The following TSGA10 variants were observed in gnomAD, a reference collection of about 807,000 sequenced individuals.
TSGA10 encodes testis-specific gene 10 protein.
Under a neutral mutation model 96.6 loss-of-function variants are expected in TSGA10, and 43 were observed. The ratio of observed to expected loss-of-function variants is 0.44; its 90% CI spans 0.35 to 0.57. TSGA10 has a LOEUF of 0.57. TSGA10 is among the 20% of genes least tolerant of loss of function. The pLI is 0.01. For synonymous variants in TSGA10, 229 were observed against 269.9 expected, an observed-to-expected ratio of 0.85 and a Z score of 1.48; for missense variants, 703 against 834.4, an observed-to-expected ratio of 0.84 and a Z score of 1.94.
intron 17 of TSGA10, among the ~76,000 whole-genome samples, chr2:99,025,858 T>C (rs1558763238): frequency 1.3e-5 from 2 of 152,292 alleles, no homozygotes; most frequent in East Asian, 1.9e-4. Flanking sequence ...CTCACCACTA[T>C]TTGGGAATGT....
intron 16 of TSGA10, among the ~76,000 whole-genome samples, chr2:99,039,353 G>T (rs2081981092): frequency 6.7e-6 from 1 of 149,028 alleles, no homozygotes; most frequent in Non-Finnish European, 1.5e-5. Flanking sequence ...ACAAAAAGCT[G>T]GTTGAGAAGA....
chr2:99,152,705 G>T (rs2105164945), intron 1 of TSGA10, among the ~76,000 whole-genome samples: 1 of 152,322 alleles, frequency 6.6e-6, no homozygotes, highest in East Asian at 1.9e-4. Flanking sequence ...TGATGGTGAT[G>T]GTCATAAAAG....
intron 16 of TSGA10, among the ~76,000 whole-genome samples, chr2:99,042,649 G>A (rs901569859): frequency 6.6e-6 from 1 of 151,798 alleles, no homozygotes; most frequent in Non-Finnish European, 1.5e-5. Context: ...ACATACATAC[G>A]TATATGTGCA....
At chr2:99,134,142 T>C (rs1052780175) in intron 1 of TSGA10, among the ~76,000 whole-genome samples, 3 of 152,208 alleles carry the variant, frequency 2.0e-5, no homozygotes, top group Non-Finnish European at 4.4e-5. Flanking sequence ...CCTTGCTTGG[T>C]TGGGGAAGTC....
chr2:99,153,577 A>G (rs2093715084), intron 1 of TSGA10, among the ~76,000 whole-genome samples: 1 of 152,224 alleles, frequency 6.6e-6, no homozygotes. Flanking sequence ...AAAAAAAACC[A>G]AAGTTGTACC....
At chr2:99,117,208 T>C (rs987578330) in intron 4 of TSGA10, 11 of 152,150 alleles carry the variant, frequency 7.2e-5, no homozygotes, top group South Asian at 2.1e-4. Flanking sequence ...TATGTGAAAA[T>C]AGACGAAAAT....
chr2:99,105,148 C>G (rs932700892), intron 9 of TSGA10, among the ~76,000 whole-genome samples: 2 of 151,796 alleles, frequency 1.3e-5, no homozygotes, highest in African/African-American at 4.8e-5. Flanking sequence ...ACTTTGCAAC[C>G]TAACACCAAA....
At chr2:99,015,001 A>T (rs565225578) in intron 20 of TSGA10, among the ~76,000 whole-genome samples, 24 of 152,270 alleles carry the variant, frequency 1.6e-4, no homozygotes, top group East Asian at 1.2e-3. Context: ...GTAATAAAAA[A>T]ATTGCCAATA....
intron 14 of TSGA10, 29 bp from the exon 15 acceptor site, chr2:99,069,027 T>C (rs373214838): frequency 5.7e-6 from 7 of 1,233,908 alleles, no homozygotes; most frequent in Admixed American, 2.9e-5. Context: ...TATATTTGAC[T>C]ATGAAAAATA....
At chr2:99,081,827 T>C (rs2087551908) in intron 10 of TSGA10, among the ~76,000 whole-genome samples, 1 of 152,248 alleles carries the variant, frequency 6.6e-6, no homozygotes, top group Admixed American at 6.5e-5. Context: ...ATACCATTAG[T>C]GAGAAGGTCA....
rs2078726942 is a variant in TSGA10 at position 99,008,783 on chromosome 2, A to G, written c.2072+9417T>C. Reference sequence around the variant, plus strand: ...GGAAACTACCTAAATGTCCAAGTTTAGGAGGTGGGTTGCATAACTATGGTA... The same window carrying G: ...GGAAACTACCTAAATGTCCAAGTTTGGGAGGTGGGTTGCATAACTATGGTA... On this transcript the variant is annotated intron_variant, in intron 20 of 20. Transcript: ENST00000393483. 2.6e-5 allele frequency among the ~76,000 whole-genome samples: 4 copies of G among 152,344 alleles called. No homozygotes were observed. The South Asian group carries it at 8.3e-4, about 32-fold the overall frequency.
intron 10 of TSGA10, among the ~76,000 whole-genome samples, chr2:99,099,845 T>C (rs2090493144): frequency 6.6e-6 from 1 of 152,140 alleles, no homozygotes; most frequent in South Asian, 2.1e-4. Flanking sequence ...TTAAAATTAA[T>C]GAAAAGTTAG....
intron 16 of TSGA10, among the ~76,000 whole-genome samples, chr2:99,060,324 A>G (rs1198899410): frequency 6.6e-5 from 10 of 152,122 alleles, no homozygotes; most frequent in Non-Finnish European, 1.5e-4. Context: ...GTAAAGACTG[A>G]GATATTCTAT....
At chr2:99,069,767 T>G (rs1349561245) in intron 14 of TSGA10, among the ~76,000 whole-genome samples, 1 of 152,146 alleles carries the variant, frequency 6.6e-6, no homozygotes, top group Non-Finnish European at 1.5e-5. Flanking sequence ...TGACAATATT[T>G]ATTCACATTA....
At chr2:99,090,159 A>G (rs2089127019) in intron 10 of TSGA10, among the ~76,000 whole-genome samples, 1 of 152,148 alleles carries the variant, frequency 6.6e-6, no homozygotes, top group South Asian at 2.1e-4. Flanking sequence ...TACAGAAGAG[A>G]AATAACAATC....
intron 1 of TSGA10, among the ~76,000 whole-genome samples, chr2:99,151,723 C>T (rs1406612311): frequency 6.6e-6 from 1 of 152,068 alleles, no homozygotes; most frequent in African/African-American, 2.4e-5. Flanking sequence ...ACATAGAATC[C>T]ATTTTAGAGT....
In TSGA10 at chr2:99,154,890, G is replaced by C. The variant is rs2093733306; in HGVS notation, c.-818C>G. 2.5e-6 allele frequency: 1 copy of C among 405,248 alleles called. No individual in the cohort carries two copies. The highest frequency in any genetic ancestry group is 2.7e-5 in the Admixed American group (1 of 36,738). The allele number at this position is 405,248 out of a possible 1,614,324, so 25.1% of individuals were successfully genotyped here. On this transcript the variant is annotated 5_prime_UTR_variant, in exon 1 of 21. Coordinates refer to ENST00000393483, the MANE Select transcript of TSGA10 (RefSeq NM_025244.4). Reference sequence around the variant, plus strand: ...CACGGCTCCGCAGGCGGAGAGACTAGGCGCGATCCCTGCGCGCCCCTCCTT... The same window carrying C: ...CACGGCTCCGCAGGCGGAGAGACTACGCGCGATCCCTGCGCGCCCCTCCTT...
At chr2:99,003,231 A>G (rs994596179) in intron 20 of TSGA10, among the ~76,000 whole-genome samples, 1 of 152,242 alleles carries the variant, frequency 6.6e-6, no homozygotes, top group Non-Finnish European at 1.5e-5. Context: ...GGATCAATTC[A>G]ACAAGAAGAG....
chr2:99,047,820 C>A (rs1444377347), intron 16 of TSGA10, among the ~76,000 whole-genome samples: 2 of 152,128 alleles, frequency 1.3e-5, no homozygotes, highest in Non-Finnish European at 2.9e-5. Context: ...ATTTAGAAAA[C>A]CCCATTGTCT....
Sources: gnomAD v4.1 joint callset for allele counts (sites outside exome capture counted in the v4.1 genomes callset) on GRCh38, gnomAD v4.1.1 for gene constraint, MANE v1.5 for transcripts, NCBI Gene and HGNC (gene_info 2026-07-23, HGNC 2026-07-21) for gene names.